The following FBXL7 variants were observed in gnomAD, a reference collection of about 807,000 sequenced individuals.
The protein encoded by FBXL7 is F-box and leucine rich repeat protein 7.
A neutral mutation model predicts 38.3 loss-of-function variants in FBXL7; 12 were observed. The observed-to-expected ratio is 0.31, with a 90% CI of 0.20 to 0.51. The LOEUF is 0.51. Ranked by LOEUF, FBXL7 falls within the 20% of genes least tolerant of loss-of-function variation. The pLI is 0.98. For synonymous variants in FBXL7, 297 were observed against 300.9 expected, an observed-to-expected ratio of 0.99 and a Z score of 0.13; for missense variants, 567 against 676.4, an observed-to-expected ratio of 0.84 and a Z score of 1.79.
intron 2 of FBXL7, among the ~76,000 whole-genome samples, chr5:15,638,093 A>G (rs1580425882): frequency 6.6e-6 from 1 of 152,158 alleles, no homozygotes; most frequent in African/African-American, 2.4e-5. Context: ...CAATGTCACC[A>G]CCCCCCAGGT....
At chr5:15,814,273 C>T (rs376224469) in intron 2 of FBXL7, among the ~76,000 whole-genome samples, 6 of 152,040 alleles carry the variant, frequency 3.9e-5, no homozygotes, top group Admixed American at 6.6e-5. Context: ...TCGTGTCCTT[C>T]GCAGGGACAT....
intron 2 of FBXL7, among the ~76,000 whole-genome samples, chr5:15,914,385 C>CAAAAA (rs57871930): frequency 2.4e-5 from 2 of 81,694 alleles, no homozygotes; most frequent in Admixed American, 1.2e-4. Flanking sequence ...GACTCCCTCT[C>CAAAAA]AAAAAAAAAA....
Position 15,728,233 on chromosome 5 carries a change from GGTTT to G in FBXL7, c.127+112166_127+112169del, listed in dbSNP as rs553185259. On this transcript the variant is annotated intron_variant, in intron 2 of 3. Transcript: ENST00000504595. Reference sequence around the variant, plus strand: ...GTCTTTTTCAGGGACAACTTCTGTTGGTTTGTTTTTTTCCTCTGAATGGGCCATA... The same window carrying G: ...GTCTTTTTCAGGGACAACTTCTGTTGGTTTTTTTCCTCTGAATGGGCCATA... Among the ~76,000 whole-genome samples, 133 of 151,952 alleles carry G rather than the reference GGTTT, an allele frequency of 8.8e-4. 1 individual carries two copies. The highest frequency in any genetic ancestry group is 3.1e-3 in the African/African-American group (128 of 41,466).
At chr5:15,872,750 C>T (rs1740021723) in intron 2 of FBXL7, among the ~76,000 whole-genome samples, 1 of 152,174 alleles carries the variant, frequency 6.6e-6, no homozygotes, top group Non-Finnish European at 1.5e-5. Flanking sequence ...AATATATTTG[C>T]ACCCAATACA....
chr5:15,513,793 G>A (rs1167158143), intron 1 of FBXL7, among the ~76,000 whole-genome samples: 1 of 152,190 alleles, frequency 6.6e-6, no homozygotes, highest in East Asian at 1.9e-4. Context: ...AATGTATATT[G>A]TGCATACTGC....
At chr5:15,771,024 G>A (rs1277792720) in intron 2 of FBXL7, among the ~76,000 whole-genome samples, 4 of 152,120 alleles carry the variant, frequency 2.6e-5, no homozygotes, top group Non-Finnish European at 4.4e-5. Context: ...TCTCCAATGC[G>A]CTTTGCTCAT....
chr5:15,932,077 G>A (rs540138606), intron 3 of FBXL7, among the ~76,000 whole-genome samples: 90 of 152,218 alleles, frequency 5.9e-4, no homozygotes, highest in African/African-American at 2.0e-3. Context: ...GTGAACACAG[G>A]CGTGTCAAAG....
intron 2 of FBXL7, among the ~76,000 whole-genome samples, chr5:15,685,467 A>G (rs898294891): frequency 6.6e-6 from 1 of 152,206 alleles, no homozygotes; most frequent in Non-Finnish European, 1.5e-5. Context: ...CCTGAAAGAC[A>G]TGGGGAGACT....
At chr5:15,570,494 T>G (rs1172155343) in intron 1 of FBXL7, among the ~76,000 whole-genome samples, 1 of 152,204 alleles carries the variant, frequency 6.6e-6, no homozygotes, top group Non-Finnish European at 1.5e-5. Flanking sequence ...CTTCCTTTTC[T>G]TCTTTATTAG....
chr5:15,601,257 G>A (rs1739779812), intron 1 of FBXL7, among the ~76,000 whole-genome samples: 1 of 123,706 alleles, frequency 8.1e-6, no homozygotes, highest in Non-Finnish European at 1.7e-5. Flanking sequence ...CAAGACACAA[G>A]TCTTTTCATG....
chr5:15,583,314 C>A (rs1373574909), intron 1 of FBXL7, among the ~76,000 whole-genome samples: 1 of 152,202 alleles, frequency 6.6e-6, no homozygotes, highest in African/African-American at 2.4e-5. Flanking sequence ...CAAACCATAT[C>A]ATTCTGCTCC....
At chr5:15,510,032 T>C (rs1476132254) in intron 1 of FBXL7, among the ~76,000 whole-genome samples, 1 of 152,230 alleles carries the variant, frequency 6.6e-6, no homozygotes, top group Non-Finnish European at 1.5e-5. Flanking sequence ...TGAAAAAGTG[T>C]AGACTGTTTC....
intron 2 of FBXL7, among the ~76,000 whole-genome samples, chr5:15,789,213 T>G (rs75933376): frequency 0.12 from 18,019 of 151,966 alleles, 1,211 homozygotes; most frequent in East Asian, 0.17. Flanking sequence ...TATCTTTTTT[T>G]TTGTTGTTGT....
intron 2 of FBXL7, among the ~76,000 whole-genome samples, chr5:15,619,042 G>T (rs1740539225): frequency 6.6e-6 from 1 of 152,124 alleles, no homozygotes; most frequent in South Asian, 2.1e-4. Flanking sequence ...ACTTTTATAA[G>T]CTCACCTCTT....
At chr5:15,822,172 G>A (rs1390036733) in intron 2 of FBXL7, among the ~76,000 whole-genome samples, 1 of 145,504 alleles carries the variant, frequency 6.9e-6, no homozygotes, top group Non-Finnish European at 1.5e-5. Context: ...CTAACATGGT[G>A]AAAGCCCATC....
At chr5:15,828,019 A>G (rs2126770752) in intron 2 of FBXL7, among the ~76,000 whole-genome samples, 1 of 152,340 alleles carries the variant, frequency 6.6e-6, no homozygotes, top group South Asian at 2.1e-4. Flanking sequence ...GGCCCTGCCC[A>G]TCTCTGCAAG....
intron 2 of FBXL7, among the ~76,000 whole-genome samples, chr5:15,853,716 A>G (rs1434684439): frequency 6.6e-6 from 1 of 152,192 alleles, no homozygotes; most frequent in African/African-American, 2.4e-5. Flanking sequence ...TTAAGTATTA[A>G]TACAAGGCAA....
intron 1 of FBXL7, among the ~76,000 whole-genome samples, chr5:15,517,456 A>G (rs983582738): frequency 4.6e-5 from 7 of 152,160 alleles, no homozygotes; most frequent in Non-Finnish European, 1.0e-4. Flanking sequence ...GAATCTGGGA[A>G]GAATAAGAGC....
intron 2 of FBXL7, among the ~76,000 whole-genome samples, chr5:15,826,683 T>C (rs1738319743): frequency 6.6e-6 from 1 of 152,158 alleles, no homozygotes; most frequent in Non-Finnish European, 1.5e-5. Context: ...TCTCCCTAAG[T>C]GCTGGGATTA....
Sources: gnomAD v4.1 joint callset for allele counts (sites outside exome capture counted in the v4.1 genomes callset) on GRCh38, gnomAD v4.1.1 for gene constraint, MANE v1.5 for transcripts, NCBI Gene and HGNC (gene_info 2026-07-23, HGNC 2026-07-21) for gene names.